The following COL15A1 variants were observed in gnomAD, a reference collection of about 807,000 sequenced individuals.
COL15A1 encodes the protein collagen type XV alpha 1 chain.
COL15A1 carries 111 observed loss-of-function variants against 165.9 expected under a neutral mutation model. The observed-to-expected ratio is 0.67, with a 90% CI of 0.57 to 0.78. COL15A1 has a LOEUF of 0.78. Ranked by LOEUF, COL15A1 falls within the 30% of genes least tolerant of loss-of-function variation. The probability of loss-of-function intolerance (pLI) is 0.00; values close to 1 mark genes in which losing one functional copy is unlikely to be tolerated. For synonymous variants in COL15A1, 659 were observed against 674.8 expected, an observed-to-expected ratio of 0.98 and a Z score of 0.36; for missense variants, 1,745 against 1,789.7, an observed-to-expected ratio of 0.98 and a Z score of 0.45.
intron 2 of COL15A1, among the ~76,000 whole-genome samples, chr9:98,961,945 G>T (rs529700906): frequency 6.6e-6 from 1 of 152,348 alleles, no homozygotes; most frequent in South Asian, 2.1e-4. Context: ...GTCCACCTTG[G>T]CCTCTCAGGG....
rs536828755 is a variant in COL15A1 at position 98,944,053 on chromosome 9, A to T, written c.-9A>T. ...CCGCGCGCCTTCCGGGGCTCCGCAGACCCGCGAGATGGCACCAAGGTAAGA... is the reference window on the plus strand; with the variant it reads ...CCGCGCGCCTTCCGGGGCTCCGCAGTCCCGCGAGATGGCACCAAGGTAAGA... On this transcript the variant is annotated 5_prime_UTR_variant, in exon 1 of 42. Coordinates refer to ENST00000375001, the MANE Select transcript of COL15A1 (RefSeq NM_001855.5). 6.7e-5 allele frequency: 108 copies of T among 1,613,864 alleles called. No homozygotes were observed. The African/African-American group carries it at 1.3e-3, about 20-fold the overall frequency.
chr9:98,971,116 A>C (rs753177467), intron 2 of COL15A1, among the ~76,000 whole-genome samples: 1 of 152,180 alleles, frequency 6.6e-6, no homozygotes, highest in East Asian at 1.9e-4. Context: ...AGCCCTGGAA[A>C]ATACTGCTTG....
At chr9:99,069,224 C>T (rs897499194) in intron 41 of COL15A1, among the ~76,000 whole-genome samples, 6 of 150,910 alleles carry the variant, frequency 4.0e-5, no homozygotes, top group African/African-American at 1.2e-4. Context: ...AATAGACACA[C>T]ACTAACTGTG....
chr9:98,991,183 A>C (rs573707535), intron 5 of COL15A1, among the ~76,000 whole-genome samples: 1 of 152,310 alleles, frequency 6.6e-6, no homozygotes, highest in South Asian at 2.1e-4. Flanking sequence ...AAAAGAACAA[A>C]GCTTCCACAA....
chr9:99,028,051 A>C (rs539871588), intron 16 of COL15A1, among the ~76,000 whole-genome samples: 1 of 152,314 alleles, frequency 6.6e-6, no homozygotes, highest in South Asian at 2.1e-4. Flanking sequence ...GTGACAAGGA[A>C]CTCATCTCCT....
In COL15A1 at chr9:98,987,339, G is replaced by A. The variant is rs752948252; in HGVS notation, c.694G>A (p.Glu232Lys). The stretch of plus-strand genomic sequence containing the variant: ...CGTGCACCCCGACCCCAGGACTCCC[G>A]AGGAGCTGTGTGACCCTGAAGAGTC... ...LTVHPDPRTP[E>K]ELCDPEESSA... The change falls in exon 4 of 42, where the codon GAG (glutamate) becomes AAG (lysine). Residue 232 changes from glutamate to lysine, a missense_variant. By Grantham distance (56) the Glu-to-Lys change is moderately conservative. Transcript: ENST00000375001. The A allele has an allele frequency of 5.0e-6, 8 of 1,613,236 alleles. No homozygotes were observed. In the Admixed American group the frequency reaches 6.7e-5, roughly 13 times the overall value.
chr9:99,036,270 C>T (rs1217902720), intron 20 of COL15A1, 43 bp from the exon 21 acceptor site: 1 of 1,613,774 alleles, frequency 6.2e-7, no homozygotes, highest in Non-Finnish European at 8.5e-7. Flanking sequence ...AGCATTATCG[C>T]TGTACAGTGA....
intron 2 of COL15A1, among the ~76,000 whole-genome samples, chr9:98,960,834 T>C (rs1837853853): frequency 6.6e-6 from 1 of 152,232 alleles, no homozygotes; most frequent in Non-Finnish European, 1.5e-5. Flanking sequence ...ATGTTGTGCC[T>C]AAGCTGTCCT....
At chr9:99,004,838 A>G (rs545130067) in intron 8 of COL15A1, 60 bp from the exon 9 acceptor site, 1 of 1,606,058 alleles carries the variant, frequency 6.2e-7, no homozygotes, top group South Asian at 1.1e-5. Context: ...GTTCCTTACC[A>G]CAGTGTGGTG....
intron 10 of COL15A1, 111 bp downstream of exon 10, chr9:99,015,677 A>T (rs1349642378): frequency 2.8e-6 from 3 of 1,056,686 alleles, no homozygotes; most frequent in Middle Eastern, 5.9e-4. Context: ...GGTTATGAGC[A>T]CATGTCTGGG....
At chr9:98,953,625 G>C (rs1032896392) in intron 2 of COL15A1, among the ~76,000 whole-genome samples, 8 of 152,134 alleles carry the variant, frequency 5.3e-5, no homozygotes, top group Admixed American at 3.9e-4. Flanking sequence ...GGACAGAACA[G>C]GGCAAAAAAC....
chr9:98,989,720 T>C (rs945162220), intron 5 of COL15A1, among the ~76,000 whole-genome samples: 11 of 152,154 alleles, frequency 7.2e-5, no homozygotes, highest in African/African-American at 2.7e-4. Context: ...TGGCTCTTGT[T>C]ATATTTGCTC....
intron 16 of COL15A1, among the ~76,000 whole-genome samples, chr9:99,026,979 T>C (rs1254215645): frequency 6.6e-6 from 1 of 152,214 alleles, no homozygotes; most frequent in Non-Finnish European, 1.5e-5. Flanking sequence ...TCAGACACCA[T>C]TAGTCTACTT....
At chr9:99,015,723 G>A (rs918350814) in intron 10 of COL15A1, among the ~76,000 whole-genome samples, 157 bp downstream of exon 10, 21 of 152,240 alleles carry the variant, frequency 1.4e-4, no homozygotes, top group African/African-American at 4.8e-4. Flanking sequence ...ACACAATGCT[G>A]GAGTGTAGCA....
At chr9:98,994,756 T>G (rs1049629604) in intron 5 of COL15A1, among the ~76,000 whole-genome samples, 2 of 152,090 alleles carry the variant, frequency 1.3e-5, no homozygotes, top group Non-Finnish European at 2.9e-5. Context: ...TAATAGCAAG[T>G]CTTCAGACTT....
chr9:98,983,438 C>A (rs1441574577), intron 2 of COL15A1, among the ~76,000 whole-genome samples: 1 of 152,218 alleles, frequency 6.6e-6, no homozygotes, highest in Non-Finnish European at 1.5e-5. Context: ...ATCACACCAG[C>A]CATGGCTCGA....
At chr9:99,006,131 A>G (rs986622343) in intron 9 of COL15A1, among the ~76,000 whole-genome samples, 2 of 152,094 alleles carry the variant, frequency 1.3e-5, no homozygotes, top group Non-Finnish European at 1.5e-5. Context: ...ATTCTAGCTT[A>G]TCCTTTAGAA....
chr9:98,992,403 G>A (rs1033351907), intron 5 of COL15A1, among the ~76,000 whole-genome samples: 5 of 152,352 alleles, frequency 3.3e-5, no homozygotes, highest in East Asian at 1.9e-4. Flanking sequence ...CTTAGAGTGC[G>A]GGGCCCGCCG....
chr9:99,058,800 G>T (rs935530144), intron 35 of COL15A1, among the ~76,000 whole-genome samples: 1 of 152,164 alleles, frequency 6.6e-6, no homozygotes, highest in Admixed American at 6.5e-5. Context: ...ATCCAAATCC[G>T]AGTCCACTGG....
Sources: gnomAD v4.1 joint callset for allele counts (sites outside exome capture counted in the v4.1 genomes callset) on GRCh38, gnomAD v4.1.1 for gene constraint, MANE v1.5 for transcripts, NCBI Gene and HGNC (gene_info 2026-07-23, HGNC 2026-07-21) for gene names.